Variants in CENPP observed in about 807,000 individuals in gnomAD.
CENPP encodes the protein centromere protein P.
Under a neutral mutation model 35.6 loss-of-function variants are expected in CENPP, and 24 were observed. The observed-to-expected ratio is 0.67, with a 90% confidence interval of 0.49 to 0.95. The LOEUF (loss-of-function observed/expected upper bound fraction) is 0.95, where lower values mean the gene tolerates loss of function less well. Among genes scored for constraint, CENPP ranks in the 40% least tolerant of loss-of-function variants. The probability of loss-of-function intolerance (pLI) is 0.00; values close to 1 mark genes in which losing one functional copy is unlikely to be tolerated. For synonymous variants in CENPP, 120 were observed against 125.5 expected, an observed-to-expected ratio of 0.96 and a Z score of 0.29; for missense variants, 332 against 345.3, an observed-to-expected ratio of 0.96 and a Z score of 0.31.
intron 5 of CENPP, among the ~76,000 whole-genome samples, chr9:92,583,958 G>A (rs1210591401): frequency 6.6e-6 from 1 of 152,202 alleles, no homozygotes; most frequent in African/African-American, 2.4e-5. Flanking sequence ...CTGTCTATGA[G>A]TTGATGGCTC....
At chr9:92,379,670 A>G (rs1842201538) in intron 4 of CENPP, 93 bp from the exon 5 acceptor site, 2 of 928,432 alleles carry the variant, frequency 2.2e-6, no homozygotes, top group South Asian at 3.2e-5. Context: ...TTTTGGTTTT[A>G]GTGTAGGATA....
At chr9:92,596,072 C>T (rs1203615046) in intron 5 of CENPP, among the ~76,000 whole-genome samples, 1 of 152,044 alleles carries the variant, frequency 6.6e-6, no homozygotes, top group Admixed American at 6.6e-5. Context: ...TTGAAACATA[C>T]AGCATTTATC....
Position 92,545,346 on chromosome 9 carries a change from T to A in CENPP, c.565-65968T>A, listed in dbSNP as rs561775127. Among the ~76,000 whole-genome samples the A allele has an allele frequency of 3.3e-5, 5 of 152,226 alleles. No individual in the cohort carries two copies. In the South Asian group the frequency reaches 8.3e-4, roughly 25 times the overall value. ...CTAGAGTTCTGGGTGGGCGTGGGCT[T>A]GGCGGGCCCCGTACTGGGAGCGGGC... On this transcript the variant is annotated intron_variant, in intron 5 of 7. Transcript: ENST00000375587.
intron 4 of CENPP, among the ~76,000 whole-genome samples, chr9:92,353,648 A>G (rs776685361): frequency 5.3e-5 from 8 of 152,176 alleles, no homozygotes; most frequent in Non-Finnish European, 1.2e-4. Flanking sequence ...CCAGGTGGCA[A>G]TCTTAACTTC....
intron 5 of CENPP, among the ~76,000 whole-genome samples, chr9:92,382,530 A>G (rs1842277975): frequency 6.6e-6 from 1 of 152,154 alleles, no homozygotes; most frequent in African/African-American, 2.4e-5. Flanking sequence ...AGACCAGTTT[A>G]TCTATTTTTT....
intron 4 of CENPP, among the ~76,000 whole-genome samples, chr9:92,353,719 A>C (rs1045288847): frequency 3.9e-5 from 6 of 152,030 alleles, no homozygotes; most frequent in Admixed American, 3.9e-4. Flanking sequence ...TGGAACTAAG[A>C]CCTCTAGGCC....
intron 5 of CENPP, chr9:92,523,001 C>A (rs1282440253): frequency 1.9e-6 from 2 of 1,048,584 alleles, no homozygotes; most frequent in East Asian, 5.2e-5. Context: ...TGAGAAATTA[C>A]ACTTATGATA....
At chr9:92,532,114 A>C (rs889777921) in intron 5 of CENPP, among the ~76,000 whole-genome samples, 5 of 143,584 alleles carry the variant, frequency 3.5e-5, no homozygotes, top group African/African-American at 1.4e-4. Context: ...ACCTGACTCA[A>C]CCTTTCGAGT....
rs766950870 is a variant in CENPP, at chr9:92,612,542, T to A, written c.664T>A (p.Trp222Arg). ...SRPGFELVIV[W>R]RIQIDEDGKV... is the part of the protein sequence containing the mutation. ...TTTCAGGTTTGAATTAGTCATTGTTTGGAGGATACAAATAGATGAAGATGG... is the reference window on the plus strand; with the variant it reads ...TTTCAGGTTTGAATTAGTCATTGTTAGGAGGATACAAATAGATGAAGATGG... The change falls in exon 7 of 8, where the codon TGG becomes AGG. Residue 222 changes from tryptophan to arginine, a missense_variant. By Grantham distance (101) the Trp-to-Arg change is moderately radical. Coordinates refer to ENST00000375587, the MANE Select transcript of CENPP (RefSeq NM_001012267.3). The A allele has an allele frequency of 6.2e-7, 1 of 1,613,900 alleles. No homozygotes were observed. Among genetic ancestry groups the A allele is most frequent in the Non-Finnish European group, 8.5e-7 (1 of 1,179,770 alleles).
intron 5 of CENPP, chr9:92,466,553 TG>T: frequency 6.2e-7 from 1 of 1,614,026 alleles, no homozygotes; most frequent in Non-Finnish European, 8.5e-7. Flanking sequence ...GTTAGCTTGT[TG>T]TTGTTCAGGA....
intron 5 of CENPP, among the ~76,000 whole-genome samples, chr9:92,486,243 GT>G (rs1361121675): frequency 1.3e-5 from 2 of 152,212 alleles, no homozygotes; most frequent in South Asian, 4.1e-4. Flanking sequence ...ATAACATAGG[GT>G]TTTTTGTATA....
chr9:92,368,741 A>G (rs1378759367), intron 4 of CENPP, among the ~76,000 whole-genome samples: 1 of 152,124 alleles, frequency 6.6e-6, no homozygotes, highest in Admixed American at 6.5e-5. Context: ...TAATATTTAA[A>G]AGTTAAGAAT....
intron 5 of CENPP, among the ~76,000 whole-genome samples, chr9:92,405,259 G>A (rs1342751124): frequency 1.3e-5 from 2 of 152,000 alleles, no homozygotes; most frequent in African/African-American, 2.4e-5. Flanking sequence ...AAGTGGCATT[G>A]TAGATACCAT....
In CENPP at chr9:92,618,841, CAT is replaced by C. The variant is rs563417405; in HGVS notation, c.*5693_*5694del. On this transcript the variant is annotated 3_prime_UTR_variant, in exon 8 of 8. Coordinates refer to ENST00000375587, the MANE Select transcript of CENPP (RefSeq NM_001012267.3). Reference sequence around the variant, plus strand: ...CCAAGGTCATCTTGACCCAGGAACACATGTTAGAAGAATGTGGAACATTCCGC... The same window carrying C: ...CCAAGGTCATCTTGACCCAGGAACACGTTAGAAGAATGTGGAACATTCCGC... 44 of 352,564 alleles carry C rather than the reference CAT, an allele frequency of 1.2e-4. No homozygotes were observed. The highest frequency in any genetic ancestry group is 2.1e-3 in the Middle Eastern group (2 of 964). The allele number at this position is 352,564 out of a possible 1,614,324, so 21.8% of individuals were successfully genotyped here.
chr9:92,427,815 TA>T (rs1282539886), intron 5 of CENPP, among the ~76,000 whole-genome samples: 4 of 152,138 alleles, frequency 2.6e-5, no homozygotes, highest in Non-Finnish European at 5.9e-5. Context: ...AGGCAGAAAC[TA>T]TTTTAAGTAG....
intron 5 of CENPP, among the ~76,000 whole-genome samples, chr9:92,505,945 C>T (rs1022822121): frequency 3.3e-5 from 5 of 151,726 alleles, no homozygotes; most frequent in African/African-American, 1.2e-4. Flanking sequence ...TAGGTGCTAA[C>T]AATATGTGTA....
intron 5 of CENPP, among the ~76,000 whole-genome samples, chr9:92,558,123 C>G (rs1331186201): frequency 6.6e-6 from 1 of 152,130 alleles, no homozygotes; most frequent in Non-Finnish European, 1.5e-5. Flanking sequence ...AACTAAGCTC[C>G]TGAATTCTTT....
At chr9:92,395,804 A>G (rs1405463902) in intron 5 of CENPP, among the ~76,000 whole-genome samples, 1 of 150,878 alleles carries the variant, frequency 6.6e-6, no homozygotes, top group Non-Finnish European at 1.5e-5. Flanking sequence ...TGGCATCCAT[A>G]TATTTGATGA....
chr9:92,470,542 G>T, intron 5 of CENPP: 3 of 522,606 alleles, frequency 5.7e-6, no homozygotes, highest in East Asian at 3.4e-5. Context: ...GCTGTTGAAT[G>T]CAGGGATTTT....
Sources: gnomAD v4.1 joint callset for allele counts (sites outside exome capture counted in the v4.1 genomes callset) on GRCh38, gnomAD v4.1.1 for gene constraint, MANE v1.5 for transcripts, NCBI Gene and HGNC (gene_info 2026-07-23, HGNC 2026-07-21) for gene names.